The following PDE3B variants were observed in gnomAD, a reference collection of about 807,000 sequenced individuals.
PDE3B encodes the protein phosphodiesterase 3B, also known as cGMP-inhibited 3',5'-cyclic phosphodiesterase 3B.
A neutral mutation model predicts 116.8 loss-of-function variants in PDE3B; 66 were observed. The observed-to-expected ratio is 0.56, with a 90% CI of 0.46 to 0.69. PDE3B has a LOEUF of 0.69. PDE3B is among the 30% of genes least tolerant of loss of function. The pLI is 0.00. For synonymous variants in PDE3B, 595 were observed against 533.6 expected (o/e 1.12, Z -1.59); for missense variants, 1,384 against 1,368.1 (o/e 1.01, Z -0.18).
At chr11:14,842,639 T>C (rs1325918428) in intron 11 of PDE3B, among the ~76,000 whole-genome samples, 1 of 152,188 alleles carries the variant, frequency 6.6e-6, no homozygotes, top group Non-Finnish European at 1.5e-5. Context: ...CTCAGGTGGC[T>C]GAGGGCAGGT....
chr11:14,677,614 T>C (rs1418083987), intron 1 of PDE3B, among the ~76,000 whole-genome samples: 1 of 152,212 alleles, frequency 6.6e-6, no homozygotes, highest in Non-Finnish European at 1.5e-5. Flanking sequence ...ATAGATTTTG[T>C]ATATCCACTA....
At chr11:14,884,625 T>C in the PDE3B span, among the ~76,000 whole-genome samples, 1 of 151,948 alleles carries the variant, frequency 6.6e-6, no homozygotes, top group South Asian at 2.1e-4. Flanking sequence ...GGCACATGTA[T>C]ACATATGTAA....
chr11:14,679,557 C>T (rs975073190), intron 1 of PDE3B, among the ~76,000 whole-genome samples: 5 of 151,942 alleles, frequency 3.3e-5, no homozygotes, highest in African/African-American at 9.7e-5. Flanking sequence ...TTCTGCTCCA[C>T]GCAGTGGAAT....
intron 1 of PDE3B, among the ~76,000 whole-genome samples, chr11:14,667,070 A>G (rs939298105): frequency 1.4e-4 from 21 of 152,304 alleles, no homozygotes; most frequent in African/African-American, 2.6e-4. Context: ...TGAAGAAAAT[A>G]TGGCACATAT....
intron 1 of PDE3B, among the ~76,000 whole-genome samples, chr11:14,706,804 T>G (rs957579892): frequency 3.9e-5 from 6 of 152,002 alleles, no homozygotes; most frequent in Non-Finnish European, 8.8e-5. Context: ...TTGACCACTT[T>G]CATACATTTC....
chr11:14,643,986 C>T lies in PDE3B; in HGVS notation c.-90C>T, dbSNP rs1214916886. The T allele has an allele frequency of 1.5e-6, 2 of 1,376,930 alleles. No homozygotes were observed. Among genetic ancestry groups the T allele is most frequent in the Non-Finnish European group, 1.9e-6 (2 of 1,073,330 alleles). The allele number at this position is 1,376,930 out of a possible 1,614,324, so 85.3% of individuals were successfully genotyped here. A position where few individuals can be genotyped will look rare whatever the true frequency, so the allele number is the denominator to read the frequency against. On this transcript the variant is annotated 5_prime_UTR_variant, in exon 1 of 16. Coordinates refer to ENST00000282096, the MANE Select transcript of PDE3B (RefSeq NM_000922.4). The stretch of plus-strand genomic sequence containing the variant: ...ACGGGTTGCGAACCAGGGGGCGCCC[C>T]GAACGCGGGGGTTGGGGTCTGGGAG...
intron 1 of PDE3B, among the ~76,000 whole-genome samples, chr11:14,721,985 A>G (rs1856118547): frequency 6.6e-6 from 1 of 151,898 alleles, no homozygotes; most frequent in Non-Finnish European, 1.5e-5. Flanking sequence ...TGCAGCCGTA[A>G]AAAATGATGA....
chr11:14,875,359 C>T (rs1403559950), downstream of PDE3B, among the ~76,000 whole-genome samples: 1 of 152,156 alleles, frequency 6.6e-6, no homozygotes, highest in Non-Finnish European at 1.5e-5. Flanking sequence ...ACATTGCCCT[C>T]AACCCGTATT....
intron 1 of PDE3B, among the ~76,000 whole-genome samples, chr11:14,764,122 T>A (rs1857432627): frequency 6.6e-6 from 1 of 152,042 alleles, no homozygotes; most frequent in Admixed American, 6.6e-5. Context: ...AGAGTGGACA[T>A]GGTGTTTTTA....
intron 4 of PDE3B, 25 bp downstream of exon 4, chr11:14,789,267 A>G (rs761282052): frequency 1.9e-6 from 3 of 1,571,394 alleles, no homozygotes; most frequent in Non-Finnish European, 2.6e-6. Context: ...GCCTTTTAAG[A>G]AACTTGAATC....
At chr11:14,668,551 A>T (rs1439296335) in intron 1 of PDE3B, among the ~76,000 whole-genome samples, 1 of 152,138 alleles carries the variant, frequency 6.6e-6, no homozygotes, top group African/African-American at 2.4e-5. Flanking sequence ...TTTGAAAAAA[A>T]ATTTTAAGCA....
chr11:14,779,230 T>A (rs972711534), intron 2 of PDE3B, among the ~76,000 whole-genome samples: 9 of 152,136 alleles, frequency 5.9e-5, no homozygotes, highest in Non-Finnish European at 1.3e-4. Flanking sequence ...TGGAACCAAG[T>A]TGGAAAACAC....
intron 1 of PDE3B, among the ~76,000 whole-genome samples, chr11:14,754,512 C>T (rs1857134119): frequency 6.6e-6 from 1 of 152,068 alleles, no homozygotes; most frequent in Admixed American, 6.6e-5. Flanking sequence ...GTAGTAAATC[C>T]TTTGGAAAAA....
chr11:14,815,973 A>G (rs1016947789), intron 5 of PDE3B, among the ~76,000 whole-genome samples: 11 of 150,892 alleles, frequency 7.3e-5, no homozygotes, highest in Non-Finnish European at 1.0e-4. Context: ...ACACACACGC[A>G]GAGAAAGAGA....
chr11:14,684,922 T>C (rs977279878), intron 1 of PDE3B, among the ~76,000 whole-genome samples: 1 of 152,194 alleles, frequency 6.6e-6, no homozygotes, highest in African/African-American at 2.4e-5. Flanking sequence ...CTGTTTTTTT[T>C]TCAAGGTGCA....
At chr11:14,688,174 T>C (rs1854942097) in intron 1 of PDE3B, among the ~76,000 whole-genome samples, 1 of 146,094 alleles carries the variant, frequency 6.8e-6, no homozygotes, top group African/African-American at 2.5e-5. Flanking sequence ...TCTCTCTCTC[T>C]CCCTCTCCCC....
At chr11:14,852,853 G>C (rs1555005446) in intron 12 of PDE3B, among the ~76,000 whole-genome samples, 1 of 152,108 alleles carries the variant, frequency 6.6e-6, no homozygotes, top group East Asian at 1.9e-4. Context: ...TTGAGCCTAG[G>C]AGTTTGAGAC....
intron 2 of PDE3B, chr11:14,776,266 A>C (rs1857782096): frequency 6.6e-6 from 1 of 152,284 alleles, no homozygotes; most frequent in Admixed American, 6.5e-5. Flanking sequence ...ACTGGCAATC[A>C]GTGACCAGGG....
At chr11:14,838,041 C>T (rs1189819057) in intron 11 of PDE3B, among the ~76,000 whole-genome samples, 4 of 151,524 alleles carry the variant, frequency 2.6e-5, no homozygotes, top group Admixed American at 6.6e-5. Context: ...TGCAGTGGCG[C>T]GATCTCGGCT....
Sources: allele counts gnomAD v4.1 joint callset (sites outside exome capture counted in the v4.1 genomes callset), GRCh38; gene constraint gnomAD v4.1.1; transcripts MANE v1.5; gene names NCBI Gene and HGNC (gene_info 2026-07-23, HGNC 2026-07-21).